Variants in RBMS3 observed in about 807,000 individuals in gnomAD.
RBMS3 encodes the protein RNA-binding motif, single-stranded-interacting protein 3.
Under a neutral mutation model 66.8 loss-of-function variants are expected in RBMS3, and 27 were observed. The ratio of observed to expected loss-of-function variants is 0.40; its 90% CI spans 0.30 to 0.56. The LOEUF is 0.56. RBMS3 is among the 20% of genes least tolerant of loss of function. RBMS3 has a pLI of 0.40. For missense variants in RBMS3, 513 were observed against 549.5 expected (o/e 0.93, Z 0.66); for synonymous variants, 188 against 183.0 (o/e 1.03, Z -0.22).
chr3:29,318,864 G>T (rs1418722015), intron 1 of RBMS3, among the ~76,000 whole-genome samples: 1 of 151,786 alleles, frequency 6.6e-6, no homozygotes, highest in Admixed American at 6.6e-5. Context: ...GCATGACTAG[G>T]ATACTAGGGG....
chr3:29,775,968 A>G (rs566197798), intron 6 of RBMS3, among the ~76,000 whole-genome samples: 4 of 152,144 alleles, frequency 2.6e-5, no homozygotes, highest in African/African-American at 9.6e-5. Context: ...ATCTTTTGTA[A>G]CTAGTTGTAA....
chr3:29,366,819 C>A (rs1050883992), intron 1 of RBMS3, among the ~76,000 whole-genome samples: 1 of 152,082 alleles, frequency 6.6e-6, no homozygotes, highest in Non-Finnish European at 1.5e-5. Context: ...CTTTCTATAG[C>A]GGGGCTGTGT....
chr3:29,893,017 G>A (rs1280641386), intron 8 of RBMS3, among the ~76,000 whole-genome samples: 2 of 151,388 alleles, frequency 1.3e-5, no homozygotes, highest in East Asian at 3.9e-4. Flanking sequence ...CTAAGCCTCA[G>A]ATGCAACAGT....
At chr3:29,901,565 C>G (rs1009184759) in intron 10 of RBMS3, among the ~76,000 whole-genome samples, 3 of 151,740 alleles carry the variant, frequency 2.0e-5, no homozygotes, top group Non-Finnish European at 2.9e-5. Context: ...CACACACCTC[C>G]TTTTCCACCC....
intron 7 of RBMS3, chr3:29,880,812 C>T (rs772756863): frequency 2.2e-5 from 34 of 1,535,762 alleles, no homozygotes; most frequent in African/African-American, 2.1e-4. Context: ...TAGGCAAAAT[C>T]GTGAAGTAGG....
chr3:29,438,258 C>T (rs2041477174), intron 2 of RBMS3, among the ~76,000 whole-genome samples: 1 of 152,052 alleles, frequency 6.6e-6, no homozygotes, highest in Non-Finnish European at 1.5e-5. Context: ...ATTATAAGCA[C>T]TTTTAGAGTT....
chr3:29,444,953 C>G (rs1214405625), intron 2 of RBMS3, among the ~76,000 whole-genome samples: 1 of 151,288 alleles, frequency 6.6e-6, no homozygotes, highest in African/African-American at 2.4e-5. Context: ...CTCTTTCTTT[C>G]TTTTCCTGTC....
At chr3:29,315,331 G>A (rs550340082) in intron 1 of RBMS3, among the ~76,000 whole-genome samples, 27 of 151,270 alleles carry the variant, frequency 1.8e-4, no homozygotes, top group African/African-American at 4.6e-4. Flanking sequence ...TGTAAGATTC[G>A]TATTGCAAAA....
intron 6 of RBMS3, among the ~76,000 whole-genome samples, chr3:29,827,022 A>G (rs1222610849): frequency 1.3e-5 from 2 of 152,162 alleles, no homozygotes; most frequent in African/African-American, 4.8e-5. Context: ...TTTAAGAATC[A>G]CAGAATTTGG....
chr3:29,392,566 T>C (rs1056246441), intron 1 of RBMS3, among the ~76,000 whole-genome samples: 1 of 152,226 alleles, frequency 6.6e-6, no homozygotes, highest in Non-Finnish European at 1.5e-5. Flanking sequence ...TTAGTACTTA[T>C]TATAATTTGA....
chr3:29,729,173 G>T (rs1214372737), intron 4 of RBMS3, among the ~76,000 whole-genome samples: 1 of 140,642 alleles, frequency 7.1e-6, no homozygotes, highest in Non-Finnish European at 1.5e-5. Flanking sequence ...CCCAGTGTGT[G>T]ATGTTGCCCG....
intron 4 of RBMS3, among the ~76,000 whole-genome samples, chr3:29,669,575 C>T (rs563126709): frequency 6.6e-5 from 10 of 152,184 alleles, no homozygotes; most frequent in Admixed American, 2.6e-4. Context: ...AAATGAAGTC[C>T]GGAGTGACTG....
intron 6 of RBMS3, among the ~76,000 whole-genome samples, chr3:29,861,053 C>T (rs1439453237): frequency 1.3e-5 from 2 of 152,194 alleles, no homozygotes; most frequent in African/African-American, 4.8e-5. Context: ...TTAGTAGAGA[C>T]GGGGTTTCAC....
chr3:29,950,150 C>T (rs1375905215), intron 12 of RBMS3, among the ~76,000 whole-genome samples: 1 of 151,858 alleles, frequency 6.6e-6, no homozygotes, highest in African/African-American at 2.4e-5. Context: ...GAACACTACA[C>T]AGGGTAAGCC....
rs148755009 is a variant in RBMS3, at chr3:29,709,253, C to T, written c.400-30467C>T. Reference sequence around the variant, plus strand: ...CACTTAGAATTCTTGTACTTGATTGCTTGCAATTACAGTCACATTGTAGGA... The same window carrying T: ...CACTTAGAATTCTTGTACTTGATTGTTTGCAATTACAGTCACATTGTAGGA... On this transcript the variant is annotated intron_variant, in intron 4 of 14. Coordinates refer to ENST00000383767, the MANE Select transcript of RBMS3 (RefSeq NM_001003793.3). Among the ~76,000 whole-genome samples the T allele has an allele frequency of 4.2e-3, 632 of 152,224 alleles. 3 individuals are homozygous for T. Among genetic ancestry groups the T allele is most frequent in the South Asian group, 0.016 (76 of 4,822 alleles).
intron 3 of RBMS3, among the ~76,000 whole-genome samples, chr3:29,527,334 T>G (rs1466399030): frequency 6.6e-6 from 1 of 152,084 alleles, no homozygotes; most frequent in Non-Finnish European, 1.5e-5. Context: ...TGTAAACAAG[T>G]AAAGTCCTAA....
chr3:29,409,244 C>A (rs1006248822), intron 1 of RBMS3, among the ~76,000 whole-genome samples: 1 of 152,166 alleles, frequency 6.6e-6, no homozygotes, highest in Non-Finnish European at 1.5e-5. Context: ...GGCCTCTGCT[C>A]CACGTGGTAC....
intron 4 of RBMS3, among the ~76,000 whole-genome samples, chr3:29,694,866 A>ATTTTTT (rs1559577424): frequency 7.3e-4 from 111 of 151,900 alleles, no homozygotes; most frequent in African/African-American, 2.5e-3. Context: ...TTTTTTAAAA[A>ATTTTTT]AAAAATACAA....
At chr3:29,809,118 A>G (rs2057648167) in intron 6 of RBMS3, among the ~76,000 whole-genome samples, 1 of 151,938 alleles carries the variant, frequency 6.6e-6, no homozygotes, top group Non-Finnish European at 1.5e-5. Flanking sequence ...AGAAAACAAA[A>G]TAAAACTTAA....
Sources: gnomAD v4.1 joint callset for allele counts (sites outside exome capture counted in the v4.1 genomes callset) on GRCh38, gnomAD v4.1.1 for gene constraint, MANE v1.5 for transcripts, NCBI Gene and HGNC (gene_info 2026-07-23, HGNC 2026-07-21) for gene names.